EPB41L2: variants seen among roughly 807,000 people sequenced by gnomAD.
The protein encoded by EPB41L2 is band 4.1-like protein 2.
A neutral mutation model predicts 113.0 loss-of-function variants in EPB41L2; 43 were observed. The observed-to-expected ratio is 0.38, with a 90% CI of 0.30 to 0.49. The LOEUF is 0.49. EPB41L2 is among the 20% of genes least tolerant of loss of function. The pLI is 0.95. For missense variants in EPB41L2, 1,147 were observed against 1,223.4 expected, an observed-to-expected ratio of 0.94 and a Z score of 0.93; for synonymous variants, 442 against 436.7, an observed-to-expected ratio of 1.01 and a Z score of -0.15.
chr6:130,868,503 T>A (rs551839661), intron 15 of EPB41L2: 54 of 152,342 alleles, frequency 3.5e-4, no homozygotes, highest in Non-Finnish European at 6.6e-4. Context: ...CATAATTATT[T>A]AAAGAGGAGT....
chr6:130,866,488 A>G (rs899583758), intron 16 of EPB41L2, among the ~76,000 whole-genome samples: 1 of 152,218 alleles, frequency 6.6e-6, no homozygotes, highest in African/African-American at 2.4e-5. Flanking sequence ...CATTCTGGCA[A>G]CTTATCACAG....
chr6:131,020,007 T>C (rs1329468133), intron 1 of EPB41L2, among the ~76,000 whole-genome samples: 1 of 152,138 alleles, frequency 6.6e-6, no homozygotes, highest in Non-Finnish European at 1.5e-5. Context: ...GGAAACATGG[T>C]TACTAATTTC....
chr6:130,993,446 C>T (rs982425250), intron 1 of EPB41L2, among the ~76,000 whole-genome samples: 5 of 152,188 alleles, frequency 3.3e-5, no homozygotes, highest in Admixed American at 3.3e-4. Context: ...CAACACAAGG[C>T]GGTGTGTAGC....
intron 1 of EPB41L2, among the ~76,000 whole-genome samples, chr6:131,035,641 T>C (rs1317260431): frequency 3.9e-5 from 6 of 152,210 alleles, no homozygotes; most frequent in East Asian, 1.9e-4. Context: ...AAGATTACAA[T>C]ACAGGGTATT....
chr6:130,859,751 C>CAA (rs5880039), intron 18 of EPB41L2, among the ~76,000 whole-genome samples: 3,105 of 131,696 alleles, frequency 0.024, 101 homozygotes, highest in African/African-American at 0.082. Context: ...GTAAAGCTAC[C>CAA]AAAAAAAAAA....
intron 3 of EPB41L2, among the ~76,000 whole-genome samples, chr6:130,946,578 G>C (rs1374546049): frequency 2.0e-5 from 3 of 152,026 alleles, no homozygotes; most frequent in Non-Finnish European, 4.4e-5. Flanking sequence ...AGAATAGGTT[G>C]ATAGCCCACA....
chr6:131,058,360 A>G (rs1258074854), intron 1 of EPB41L2, among the ~76,000 whole-genome samples: 1 of 152,204 alleles, frequency 6.6e-6, no homozygotes, highest in East Asian at 1.9e-4. Flanking sequence ...ATGGAAATAT[A>G]TAGCCTATCT....
At chr6:130,918,545 G>A (rs1340103937) in intron 4 of EPB41L2, among the ~76,000 whole-genome samples, 1 of 152,050 alleles carries the variant, frequency 6.6e-6, no homozygotes, top group Non-Finnish European at 1.5e-5. Context: ...CCATAGTAAA[G>A]TTTATATAAG....
At chr6:130,928,578 T>C (rs1244119291) in intron 3 of EPB41L2, among the ~76,000 whole-genome samples, 2 of 152,256 alleles carry the variant, frequency 1.3e-5, no homozygotes, top group Non-Finnish European at 2.9e-5. Flanking sequence ...AAGTCAACTC[T>C]TACTAATAAT....
chr6:130,902,863 T>C (rs1796669872), intron 6 of EPB41L2, among the ~76,000 whole-genome samples: 1 of 152,232 alleles, frequency 6.6e-6, no homozygotes, highest in East Asian at 1.9e-4. Context: ...CACAGCACTA[T>C]GAAGCATTCT....
At chr6:130,911,672 C>T (rs972195978) in intron 4 of EPB41L2, among the ~76,000 whole-genome samples, 2 of 152,056 alleles carry the variant, frequency 1.3e-5, no homozygotes, top group Admixed American at 1.3e-4. Context: ...CCACTAGGTT[C>T]GAACCACCCA....
chr6:130,841,889 A>T (rs997155260), intron 19 of EPB41L2, among the ~76,000 whole-genome samples: 2 of 152,212 alleles, frequency 1.3e-5, no homozygotes, highest in African/African-American at 4.8e-5. Flanking sequence ...AGAAGTCCAC[A>T]ATCAAAGGTA....
chr6:131,058,686 T>C (rs1309419123), intron 1 of EPB41L2, among the ~76,000 whole-genome samples: 1 of 152,186 alleles, frequency 6.6e-6, no homozygotes, highest in Non-Finnish European at 1.5e-5. Context: ...CACATACACA[T>C]ACTTTATAGA....
chr6:130,897,154 T>C (rs577349603), intron 8 of EPB41L2, among the ~76,000 whole-genome samples: 6 of 152,246 alleles, frequency 3.9e-5, no homozygotes, highest in East Asian at 1.9e-4. Flanking sequence ...TGCACCTTTG[T>C]TGAGATTCCT....
At chr6:131,050,052 A>C (rs532290005) in intron 1 of EPB41L2, among the ~76,000 whole-genome samples, 2 of 152,072 alleles carry the variant, frequency 1.3e-5, no homozygotes, top group Non-Finnish European at 2.9e-5. Flanking sequence ...TAAAAATCAA[A>C]TGGGGACCGG....
chr6:130,945,408 G>A (rs1037644562), intron 3 of EPB41L2, among the ~76,000 whole-genome samples: 2 of 152,194 alleles, frequency 1.3e-5, no homozygotes, highest in African/African-American at 2.4e-5. Context: ...CACTGATGAA[G>A]AGAGCCTACA....
intron 12 of EPB41L2, among the ~76,000 whole-genome samples, chr6:130,884,480 G>A (rs867562825): frequency 9.9e-5 from 15 of 152,258 alleles, no homozygotes; most frequent in Middle Eastern, 3.4e-3. Flanking sequence ...GAATTCAAAG[G>A]CTTCTCAAAT....
chr6:130,890,503 AG>A, intron 10 of EPB41L2, 37 bp from the exon 11 acceptor site: 1 of 1,567,578 alleles, frequency 6.4e-7, no homozygotes. Context: ...AGAGAGAGAA[AG>A]GGGAAGCAAA....
chr6:131,050,283 G>A (rs1371372901), intron 1 of EPB41L2, among the ~76,000 whole-genome samples: 1 of 152,102 alleles, frequency 6.6e-6, no homozygotes, highest in Non-Finnish European at 1.5e-5. Context: ...AGGTTGCAGT[G>A]AGCCAAGATT....
Sources: gnomAD v4.1 joint callset for allele counts (sites outside exome capture counted in the v4.1 genomes callset) on GRCh38, gnomAD v4.1.1 for gene constraint, MANE v1.5 for transcripts, NCBI Gene and HGNC (gene_info 2026-07-23, HGNC 2026-07-21) for gene names.